The following MPP7 variants were observed in gnomAD, a reference collection of about 807,000 sequenced individuals.
The protein encoded by MPP7 is MAGUK p55 subfamily member 7.
In MPP7, 60 loss-of-function variants were observed where a neutral mutation model predicts 76.5. That is an observed-to-expected ratio of 0.78 (90% CI 0.64 to 0.97). MPP7 has a LOEUF of 0.97. Among genes scored for constraint, MPP7 ranks in the 50% least tolerant of loss-of-function variants. The pLI is 0.00. For missense variants in MPP7, 641 were observed against 694.0 expected, an observed-to-expected ratio of 0.92 and a Z score of 0.86; for synonymous variants, 237 against 244.5, an observed-to-expected ratio of 0.97 and a Z score of 0.29.
rs1851447166 is a variant in MPP7 at position 28,053,928 on chromosome 10, A to G, written c.*137T>C. On this transcript the variant is annotated 3_prime_UTR_variant, in exon 17 of 17. Coordinates refer to ENST00000683449, the MANE Select transcript of MPP7 (RefSeq NM_001318170.2). ...TGAAATAAGGCTGTAAAAAGATACA[A>G]ACAAAACCAGCATTCAACTTGAACC... 1 of 705,382 alleles carries G rather than the reference A, an allele frequency of 1.4e-6. No individual in the cohort carries two copies. The allele number at this position is 705,382 out of a possible 1,614,324, so 43.7% of individuals were successfully genotyped here.
At chr10:28,252,547 C>A (rs1373737617) in intron 1 of MPP7, among the ~76,000 whole-genome samples, 1 of 152,196 alleles carries the variant, frequency 6.6e-6, no homozygotes, top group Non-Finnish European at 1.5e-5. Context: ...CTGGCATTAA[C>A]CCTCATGCAT....
chr10:28,145,248 G>A (rs1835667486), intron 5 of MPP7, among the ~76,000 whole-genome samples: 1 of 152,090 alleles, frequency 6.6e-6, no homozygotes. Flanking sequence ...TTACTTTGAA[G>A]ATATATTTCA....
chr10:28,103,968 T>A (rs991857735), intron 11 of MPP7, among the ~76,000 whole-genome samples: 2 of 152,164 alleles, frequency 1.3e-5, no homozygotes, highest in East Asian at 3.8e-4. Context: ...CTGGCATTGT[T>A]ATTGGTTTTT....
At chr10:28,294,964 T>C (rs1841005943) in intron 1 of MPP7, among the ~76,000 whole-genome samples, 1 of 152,156 alleles carries the variant, frequency 6.6e-6, no homozygotes, top group Non-Finnish European at 1.5e-5. Flanking sequence ...TACACTTACG[T>C]TTCCCCCTAG....
At chr10:28,056,360 C>A in intron 16 of MPP7, 120 bp downstream of exon 16, 8 of 1,030,232 alleles carry the variant, frequency 7.8e-6, no homozygotes, top group Non-Finnish European at 1.1e-5. Context: ...GGTTTCACCA[C>A]CTTGGCCAGG....
chr10:28,132,225 T>G (rs1438997501), intron 5 of MPP7, among the ~76,000 whole-genome samples: 1 of 152,198 alleles, frequency 6.6e-6, no homozygotes, highest in Non-Finnish European at 1.5e-5. Context: ...GACTACTATG[T>G]GTATAAAAGA....
intron 2 of MPP7, among the ~76,000 whole-genome samples, chr10:28,204,839 A>G (rs1239911420): frequency 2.0e-5 from 3 of 152,258 alleles, no homozygotes; most frequent in Admixed American, 6.5e-5. Context: ...AAAGTCAAAC[A>G]ATAGCTTAGC....
chr10:28,266,115 G>A (rs971569439), intron 1 of MPP7, among the ~76,000 whole-genome samples: 12 of 151,954 alleles, frequency 7.9e-5, no homozygotes, highest in African/African-American at 2.2e-4. Flanking sequence ...GCCCACCACC[G>A]TGCCCAGCTA....
chr10:28,332,246 C>CGTGTGTGTGTGTGTGTGTGTGTGT (rs4018712), intron 1 of MPP7, among the ~76,000 whole-genome samples: 207 of 146,890 alleles, frequency 1.4e-3, no homozygotes, highest in African/African-American at 1.8e-3. Flanking sequence ...CAAATGTATG[C>CGTGTGTGTGTGTGTGTGTGTGTGT]GTGTGTGTGT....
chr10:28,219,189 A>G (rs1207479538), intron 2 of MPP7, among the ~76,000 whole-genome samples: 1 of 152,230 alleles, frequency 6.6e-6, no homozygotes, highest in East Asian at 1.9e-4. Context: ...CATAAATTCA[A>G]TGCTAAAATG....
At chr10:28,119,628 T>C (rs1834766103) in intron 11 of MPP7, 23 bp downstream of exon 11, 1 of 1,602,538 alleles carries the variant, frequency 6.2e-7, no homozygotes, top group Non-Finnish European at 8.5e-7. Flanking sequence ...TTGGTTTCTC[T>C]GCATTCTTAT....
intron 12 of MPP7, among the ~76,000 whole-genome samples, chr10:28,073,754 G>A (rs981434025): frequency 6.6e-6 from 1 of 151,904 alleles, no homozygotes; most frequent in Non-Finnish European, 1.5e-5. Context: ...TGGTGACAGA[G>A]TGAGACTGCA....
chr10:28,181,899 A>C (rs1420882364), intron 3 of MPP7, among the ~76,000 whole-genome samples: 3 of 152,196 alleles, frequency 2.0e-5, no homozygotes, highest in Non-Finnish European at 4.4e-5. Context: ...CTTGGCCAGG[A>C]GCTACATAAA....
intron 3 of MPP7, among the ~76,000 whole-genome samples, chr10:28,162,427 A>G (rs1170121902): frequency 6.6e-6 from 1 of 152,242 alleles, no homozygotes; most frequent in East Asian, 1.9e-4. Flanking sequence ...CTAAAAAAAT[A>G]CAAAGATAAA....
At chr10:28,286,808 GA>G (rs994681141) in intron 1 of MPP7, among the ~76,000 whole-genome samples, 5 of 150,284 alleles carry the variant, frequency 3.3e-5, no homozygotes, top group Non-Finnish European at 5.9e-5. Context: ...CTCACAGTGG[GA>G]AAAAAAAAGG....
At chr10:28,194,414 C>A (rs1176572029) in intron 3 of MPP7, among the ~76,000 whole-genome samples, 1 of 152,214 alleles carries the variant, frequency 6.6e-6, no homozygotes, top group Non-Finnish European at 1.5e-5. Flanking sequence ...CAAAAACCTG[C>A]ACACAAATGT....
At chr10:28,143,855 CTGTGTGTGTGTGTGTG>C (rs60960005) in intron 5 of MPP7, among the ~76,000 whole-genome samples, 226 of 134,556 alleles carry the variant, frequency 1.7e-3, no homozygotes, top group African/African-American at 5.7e-3. Context: ...CAATCGTGTG[CTGTGTGTGTGTGTGTG>C]TGTGTGTGTG....
chr10:28,314,384 G>GC (rs1168007625), intron 2 of MPP7, among the ~76,000 whole-genome samples: 1 of 152,188 alleles, frequency 6.6e-6, no homozygotes, highest in Non-Finnish European at 1.5e-5. Context: ...ACAAGCAAAT[G>GC]AACTGTAGAA....
chr10:28,242,373 A>C (rs929897262), intron 1 of MPP7, among the ~76,000 whole-genome samples: 7 of 152,236 alleles, frequency 4.6e-5, no homozygotes, highest in Non-Finnish European at 7.3e-5. Context: ...AATCTATCAC[A>C]GATTTTTGTA....
Sources: allele counts gnomAD v4.1 joint callset (sites outside exome capture counted in the v4.1 genomes callset), GRCh38; gene constraint gnomAD v4.1.1; transcripts MANE v1.5; gene names NCBI Gene and HGNC (gene_info 2026-07-23, HGNC 2026-07-21).